The following ATXN1 variants were observed in gnomAD, a reference collection of about 807,000 sequenced individuals.
ATXN1 encodes ataxin 1.
ATXN1 carries 8 observed loss-of-function variants against 56.4 expected under a neutral mutation model. That is an observed-to-expected ratio of 0.14 (90% CI 0.08 to 0.26). The LOEUF (loss-of-function observed/expected upper bound fraction) is 0.26, where lower values mean the gene tolerates loss of function less well. ATXN1 is among the 10% of genes least tolerant of loss of function. ATXN1 has a pLI of 1.00. For missense variants in ATXN1, 987 were observed against 1,106.5 expected (o/e 0.89, Z 1.53); for synonymous variants, 514 against 494.6 (o/e 1.04, Z -0.52).
intron 3 of ATXN1, among the ~76,000 whole-genome samples, chr6:16,654,910 T>G (rs2113354055): frequency 6.6e-6 from 1 of 152,232 alleles, no homozygotes; most frequent in South Asian, 2.1e-4. Flanking sequence ...CACTTCATAA[T>G]TTAATATTTG....
chr6:16,309,056 C>G (rs1760323462), intron 7 of ATXN1, among the ~76,000 whole-genome samples: 1 of 151,196 alleles, frequency 6.6e-6, no homozygotes, highest in African/African-American at 2.4e-5. Context: ...AATGAGACCC[C>G]GTTTCTACAG....
At chr6:16,500,971 G>C (rs778280535) in intron 5 of ATXN1, among the ~76,000 whole-genome samples, 2 of 152,178 alleles carry the variant, frequency 1.3e-5, no homozygotes, top group African/African-American at 4.8e-5. Flanking sequence ...AACTAGCCTT[G>C]ACACAATAGT....
chr6:16,559,208 A>C (rs1237299453), intron 4 of ATXN1, among the ~76,000 whole-genome samples: 1 of 152,188 alleles, frequency 6.6e-6, no homozygotes, highest in Admixed American at 6.5e-5. Context: ...ATTGGAGGGC[A>C]ATTTGGCAAG....
At chr6:16,633,446 T>C (rs946335827) in intron 3 of ATXN1, among the ~76,000 whole-genome samples, 7 of 152,088 alleles carry the variant, frequency 4.6e-5, no homozygotes, top group Admixed American at 6.5e-5. Context: ...CCCATATGAG[T>C]CCTCATTGTA....
intron 6 of ATXN1, among the ~76,000 whole-genome samples, chr6:16,469,205 T>A (rs996323266): frequency 6.6e-6 from 1 of 152,228 alleles, no homozygotes; most frequent in African/African-American, 2.4e-5. Flanking sequence ...TATTAGGGCC[T>A]GAAAAACCAA....
chr6:16,442,272 G>A (rs1292448609), intron 6 of ATXN1, among the ~76,000 whole-genome samples: 1 of 152,162 alleles, frequency 6.6e-6, no homozygotes, highest in Non-Finnish European at 1.5e-5. Flanking sequence ...AGGACCCAAG[G>A]AATATTGTTC....
At chr6:16,650,453 A>G (rs993743419) in intron 3 of ATXN1, among the ~76,000 whole-genome samples, 3 of 152,350 alleles carry the variant, frequency 2.0e-5, no homozygotes, top group African/African-American at 7.2e-5. Context: ...GAATTGCCCT[A>G]ATATTAAAAA....
At chr6:16,574,783 G>C (rs1425562210) in intron 4 of ATXN1, among the ~76,000 whole-genome samples, 1 of 151,126 alleles carries the variant, frequency 6.6e-6, no homozygotes, top group Non-Finnish European at 1.5e-5. Context: ...ACAAACCGTA[G>C]GGTGTATTAG....
intron 2 of ATXN1, among the ~76,000 whole-genome samples, chr6:16,711,497 AT>A: frequency 6.6e-6 from 1 of 152,196 alleles, no homozygotes; most frequent in East Asian, 1.9e-4. Context: ...TTTCTGATAA[AT>A]GACTTAAATC....
chr6:16,454,204 G>A (rs866444335), intron 6 of ATXN1, among the ~76,000 whole-genome samples: 3 of 148,160 alleles, frequency 2.0e-5, no homozygotes, highest in African/African-American at 5.0e-5. Flanking sequence ...AGTGTGCCAA[G>A]TACTGATTTA....
chr6:16,530,524 G>T (rs1287768646), intron 4 of ATXN1, among the ~76,000 whole-genome samples: 2 of 152,152 alleles, frequency 1.3e-5, no homozygotes, highest in African/African-American at 4.8e-5. Context: ...TTCATCCATT[G>T]TCGGAATCTT....
rs559767768 is a variant in ATXN1, at chr6:16,372,891, A to G, written c.-160-44421T>C. On this transcript the variant is annotated intron_variant, in intron 6 of 7. Transcript: ENST00000436367. Reference sequence around the variant, plus strand: ...TGATTGCACACTGCACTCCAGCTGGACAGCAAAGTGAGACACTGTATCAAA... The same window carrying G: ...TGATTGCACACTGCACTCCAGCTGGGCAGCAAAGTGAGACACTGTATCAAA... Among the ~76,000 whole-genome samples, 4 of 152,328 alleles carry G rather than the reference A, an allele frequency of 2.6e-5. No individual in the cohort carries two copies. The East Asian group carries it at 5.8e-4, about 22-fold the overall frequency.
chr6:16,552,601 A>G (rs1459923980), intron 4 of ATXN1, among the ~76,000 whole-genome samples: 1 of 152,186 alleles, frequency 6.6e-6, no homozygotes, highest in Non-Finnish European at 1.5e-5. Flanking sequence ...CACTCCACTC[A>G]CTAAATTTAT....
chr6:16,651,555 A>AAAG (rs1252046021), intron 3 of ATXN1, among the ~76,000 whole-genome samples: 1 of 151,794 alleles, frequency 6.6e-6, no homozygotes, highest in African/African-American at 2.4e-5. Context: ...AAAAAAAAAA[A>AAAG]AAGGCAGAAC....
intron 4 of ATXN1, among the ~76,000 whole-genome samples, chr6:16,565,781 T>A (rs1762205875): frequency 6.6e-6 from 1 of 152,190 alleles, no homozygotes; most frequent in African/African-American, 2.4e-5. Context: ...AGTCTCTCCA[T>A]AAAATGTTCA....
intron 6 of ATXN1, among the ~76,000 whole-genome samples, chr6:16,394,157 T>C (rs1293536226): frequency 6.6e-6 from 1 of 152,090 alleles, no homozygotes; most frequent in Non-Finnish European, 1.5e-5. Flanking sequence ...GGCCTCTGAG[T>C]CTCCACTGTC....
chr6:16,454,959 C>G (rs963191804), intron 6 of ATXN1, among the ~76,000 whole-genome samples: 2 of 152,148 alleles, frequency 1.3e-5, no homozygotes, highest in African/African-American at 2.4e-5. Flanking sequence ...TTCAGGGGGA[C>G]TCAGCAGTGA....
At chr6:16,345,477 A>G (rs1276029227) in intron 6 of ATXN1, among the ~76,000 whole-genome samples, 1 of 152,232 alleles carries the variant, frequency 6.6e-6, no homozygotes, top group South Asian at 2.1e-4. Context: ...GCCTAAATCA[A>G]TCGTAGGAAG....
At chr6:16,485,133 C>A (rs979655655) in intron 6 of ATXN1, 1 of 152,108 alleles carries the variant, frequency 6.6e-6, no homozygotes, top group African/African-American at 2.4e-5. Context: ...ATCTTCTCGT[C>A]CTCAGAGGTA....
Sources: allele counts gnomAD v4.1 joint callset (sites outside exome capture counted in the v4.1 genomes callset), GRCh38; gene constraint gnomAD v4.1.1; transcripts MANE v1.5; gene names NCBI Gene and HGNC (gene_info 2026-07-23, HGNC 2026-07-21).